The following ARPC2 variants were observed in gnomAD, a reference collection of about 807,000 sequenced individuals.
ARPC2 encodes the protein actin related protein 2/3 complex subunit 2.
In ARPC2, 4 loss-of-function variants were observed where a neutral mutation model predicts 38.6. That is an observed-to-expected ratio of 0.10 (90% CI 0.05 to 0.24). The LOEUF (loss-of-function observed/expected upper bound fraction) is 0.24. ARPC2 is among the 10% of genes least tolerant of loss of function. The pLI is 1.00. For missense variants in ARPC2, 229 were observed against 387.3 expected (o/e 0.59, Z 3.43); for synonymous variants, 125 against 140.8 (o/e 0.89, Z 0.79).
At chr2:218,250,942 A>G (rs559265911) in intron 10 of ARPC2, among the ~76,000 whole-genome samples, 2 of 152,062 alleles carry the variant, frequency 1.3e-5, no homozygotes, top group South Asian at 2.1e-4. Context: ...ATCTCAGCTC[A>G]CTGCAGCCTC....
chr2:218,247,953 A>G (rs199678856), intron 8 of ARPC2, among the ~76,000 whole-genome samples: 1 of 3,574 alleles, frequency 2.8e-4, no homozygotes, highest in African/African-American at 2.9e-4. Flanking sequence ...AAAAAAAATT[A>G]AAAAAAAAAA....
intron 2 of ARPC2, among the ~76,000 whole-genome samples, chr2:218,222,141 C>T (rs1470867221): frequency 6.6e-6 from 1 of 152,122 alleles, no homozygotes; most frequent in Non-Finnish European, 1.5e-5. Flanking sequence ...GTGGCGCACA[C>T]CTGTAATCCC....
intron 8 of ARPC2, among the ~76,000 whole-genome samples, chr2:218,247,505 C>G (rs1314104307): frequency 6.6e-6 from 1 of 152,098 alleles, no homozygotes; most frequent in Admixed American, 6.6e-5. Flanking sequence ...TCTCTGTCAC[C>G]CAGGCTGGAG....
chr2:218,231,549 A>C (rs1048753940), intron 4 of ARPC2, among the ~76,000 whole-genome samples: 1 of 152,118 alleles, frequency 6.6e-6, no homozygotes, highest in Non-Finnish European at 1.5e-5. Flanking sequence ...TATGCATGTT[A>C]CTTTTTTTTA....
At chr2:218,219,592 CG>C (rs1227272887) in intron 2 of ARPC2, among the ~76,000 whole-genome samples, 1 of 152,126 alleles carries the variant, frequency 6.6e-6, no homozygotes, top group Non-Finnish European at 1.5e-5. Context: ...TCAAGTGACC[CG>C]CCCGCCTCGG....
At chr2:218,250,989 C>T (rs1690175279) in intron 10 of ARPC2, among the ~76,000 whole-genome samples, 1 of 151,766 alleles carries the variant, frequency 6.6e-6, no homozygotes, top group African/African-American at 2.4e-5. Context: ...GTGCACACCA[C>T]CACGCCCGGC....
Position 218,249,430 on chromosome 2 carries a change from G to A in ARPC2, c.743G>A (p.Arg248Gln), listed in dbSNP as rs895649590. The change falls in exon 9 of 11, where the codon CGG becomes CAG. Residue 248 changes from arginine to glutamine, a missense_variant. Around this residue, in one of 3 missense-constraint regions of ARPC2, gnomAD observed 92 missense variants for 152.3 expected, o/e 0.60. Coordinates refer to ENST00000315717, the MANE Select transcript of ARPC2 (RefSeq NM_152862.3). ...DNTINLIHTF[R>Q]DYLHYHIKCS... ...ACCATCAACCTGATCCACACGTTCC[G>A]GGACTACCTGCACTACCACATCAAG... 3 of 1,613,272 alleles carry A rather than the reference G, an allele frequency of 1.9e-6. No individual in the cohort carries two copies. Among genetic ancestry groups the A allele is most frequent in the Non-Finnish European group, 1.7e-6 (2 of 1,179,602 alleles).
At position 218,251,987 on chromosome 2, in the gene ARPC2, G is replaced by A. The variant is rs138926735; in HGVS notation, c.879-1904G>A. ...TGTAATCCCAGCACTTTGGGAGGCC[G>A]AGGCAGGCGGATCACCTGAGGTCAG... On this transcript the variant is annotated intron_variant, in intron 10 of 10. Transcript: ENST00000315717. Among the ~76,000 whole-genome samples the A allele has an allele frequency of 5.2e-3, 787 of 152,242 alleles. 2 individuals are homozygous for A. Among genetic ancestry groups the A allele is most frequent in the Middle Eastern group, 0.017 (5 of 292 alleles).
chr2:218,228,190 G>A (rs1016590242), intron 3 of ARPC2, among the ~76,000 whole-genome samples: 2 of 152,028 alleles, frequency 1.3e-5, no homozygotes, highest in African/African-American at 4.8e-5. Flanking sequence ...AGATCATGAG[G>A]TCAGGAGTTC....
At chr2:218,244,083 G>A (rs72949343) in intron 7 of ARPC2, among the ~76,000 whole-genome samples, 1,888 of 152,318 alleles carry the variant, frequency 0.012, 25 homozygotes, top group Middle Eastern at 0.024. Flanking sequence ...AGAGAAGGGC[G>A]ATTTTAGAAG....
intron 5 of ARPC2, chr2:218,236,146 C>G (rs7605980): frequency 0.4 from 59,971 of 150,952 alleles, 12,524 homozygotes; most frequent in Middle Eastern, 0.53. Flanking sequence ...ATGGGTTTAT[C>G]TAGGCACGTT....
At chr2:218,220,082 T>G (rs1022346927) in intron 2 of ARPC2, among the ~76,000 whole-genome samples, 2 of 152,134 alleles carry the variant, frequency 1.3e-5, no homozygotes, top group African/African-American at 4.8e-5. Context: ...GGGGCCTCTC[T>G]GAGAGCCTAT....
At chr2:218,222,681 C>A (rs1027251768) in intron 2 of ARPC2, among the ~76,000 whole-genome samples, 3 of 152,192 alleles carry the variant, frequency 2.0e-5, no homozygotes, top group African/African-American at 7.2e-5. Context: ...AGAGTCCGAT[C>A]TCTGACTCCA....
intron 2 of ARPC2, among the ~76,000 whole-genome samples, chr2:218,224,347 A>G (rs115781203): frequency 0.012 from 1,850 of 152,302 alleles, 17 homozygotes; most frequent in Non-Finnish European, 0.018. Context: ...AAAACTTACT[A>G]AGTGATGTAA....
intron 1 of ARPC2, 69 bp downstream of exon 1, chr2:218,217,323 T>A: frequency 1.5e-6 from 1 of 684,824 alleles, no homozygotes; most frequent in Non-Finnish European, 2.6e-6. Context: ...TACCCTTCCC[T>A]CCACCCCGGC....
chr2:218,245,327 A>G, intron 7 of ARPC2, 93 bp from the exon 8 acceptor site: 2 of 1,527,686 alleles, frequency 1.3e-6, no homozygotes, highest in South Asian at 1.2e-5. Flanking sequence ...GAGGGCTACA[A>G]AGGTCACACC....
rs1484239553 is a variant in ARPC2, at chr2:218,251,502, C to T, written c.878+1581C>T. On this transcript the variant is annotated intron_variant, in intron 10 of 10. Transcript: ENST00000315717. ...GTTGGGATTAAGGAGTGAGCCACCG[C>T]GCCCAGCCCAGTACTCTGTGATCCC... Among the ~76,000 whole-genome samples, 7 of 152,118 alleles carry T rather than the reference C, an allele frequency of 4.6e-5. No homozygotes were observed. The East Asian group carries it at 7.7e-4, about 17-fold the overall frequency.
At position 218,253,979 on chromosome 2, in the gene ARPC2, C is replaced by T. The variant is rs149956309; in HGVS notation, c.*64C>T. 17 of 1,596,426 alleles carry T rather than the reference C, an allele frequency of 1.1e-5. No individual in the cohort carries two copies. The highest frequency in any genetic ancestry group is 4.5e-5 in the East Asian group (2 of 44,760). ...GCTGGAACACTTGCTACTGGATAAT[C>T]GTAGCTTTTAATGTTGCGCCTCTTC... On this transcript the variant is annotated 3_prime_UTR_variant, in exon 11 of 11. Transcript: ENST00000315717.
At chr2:218,239,995 G>A (rs910789727) in intron 7 of ARPC2, among the ~76,000 whole-genome samples, 6 of 149,568 alleles carry the variant, frequency 4.0e-5, no homozygotes, top group South Asian at 2.1e-4. Flanking sequence ...TTGCTCTGTC[G>A]CCAGGCTGGA....
Sources: allele counts gnomAD v4.1 joint callset (sites outside exome capture counted in the v4.1 genomes callset), GRCh38; gene constraint gnomAD v4.1.1; regional missense constraint gnomAD v4.1.1; transcripts MANE v1.5; gene names NCBI Gene and HGNC (gene_info 2026-07-23, HGNC 2026-07-21).